RNF121: variants seen among roughly 807,000 people sequenced by gnomAD.
RNF121 encodes the protein ring finger protein 121.
In RNF121, 21 loss-of-function variants were observed where a neutral mutation model predicts 46.5. The observed-to-expected ratio is 0.45, with a 90% CI of 0.32 to 0.65. RNF121 has a LOEUF of 0.65. Ranked by LOEUF, RNF121 falls within the 30% of genes least tolerant of loss-of-function variation. The pLI, the probability that RNF121 is intolerant of heterozygous loss-of-function variation, is 0.04. For missense variants in RNF121, 346 were observed against 416.0 expected, an observed-to-expected ratio of 0.83 and a Z score of 1.46; for synonymous variants, 139 against 144.7, an observed-to-expected ratio of 0.96 and a Z score of 0.28.
chr11:71,932,146 G>A (rs1246707059), intron 1 of RNF121, among the ~76,000 whole-genome samples: 1 of 152,168 alleles, frequency 6.6e-6, no homozygotes, highest in Non-Finnish European at 1.5e-5. Context: ...TCTTTAGAGG[G>A]ATAAATAGAA....
intron 2 of RNF121, among the ~76,000 whole-genome samples, chr11:71,959,627 C>G: frequency 6.6e-6 from 1 of 150,480 alleles, no homozygotes; most frequent in Non-Finnish European, 1.5e-5. Context: ...TCTCTTCTCT[C>G]TCTCTTCTTC....
intron 1 of RNF121, among the ~76,000 whole-genome samples, chr11:71,954,573 C>T (rs1953949795): frequency 6.6e-6 from 1 of 152,186 alleles, no homozygotes; most frequent in South Asian, 2.1e-4. Flanking sequence ...AATATACTTT[C>T]TTCACAGCTC....
intron 6 of RNF121, among the ~76,000 whole-genome samples, chr11:71,991,939 T>C (rs1954869772): frequency 6.8e-6 from 1 of 147,362 alleles, no homozygotes; most frequent in Admixed American, 6.8e-5. Flanking sequence ...ACCCCATCTC[T>C]ACAAAAAAAT....
chr11:71,982,549 A>G (rs557864904), intron 3 of RNF121, among the ~76,000 whole-genome samples: 212 of 152,308 alleles, frequency 1.4e-3, no homozygotes, highest in South Asian at 2.1e-3. Flanking sequence ...GAAAGAATAT[A>G]TCCAAGAGAT....
chr11:71,959,632 T>TC (rs1491151178), intron 2 of RNF121, among the ~76,000 whole-genome samples: 1 of 150,294 alleles, frequency 6.7e-6, no homozygotes, highest in Non-Finnish European at 1.5e-5. Flanking sequence ...TCTCTCTCTC[T>TC]TCTTCTTTTT....
intron 3 of RNF121, among the ~76,000 whole-genome samples, chr11:71,972,614 A>G (rs1330829733): frequency 6.6e-6 from 1 of 151,642 alleles, no homozygotes; most frequent in Non-Finnish European, 1.5e-5. Context: ...GCTGTCCTGT[A>G]TATTATAGGA....
chr11:71,953,943 A>G (rs1368567455), intron 1 of RNF121, among the ~76,000 whole-genome samples: 1 of 152,126 alleles, frequency 6.6e-6, no homozygotes, highest in Admixed American at 6.6e-5. Flanking sequence ...TCTGCCTAGC[A>G]TTTATTTTTG....
At chr11:71,980,194 A>G (rs1203760564) in intron 3 of RNF121, among the ~76,000 whole-genome samples, 1 of 152,142 alleles carries the variant, frequency 6.6e-6, no homozygotes, top group Non-Finnish European at 1.5e-5. Flanking sequence ...GTTCCTATGT[A>G]GTGAATTGTT....
At chr11:71,991,173 A>G (rs1307194482) in intron 6 of RNF121, among the ~76,000 whole-genome samples, 1 of 152,148 alleles carries the variant, frequency 6.6e-6, no homozygotes, top group Admixed American at 6.5e-5. Context: ...AGTATCACGC[A>G]GTATGCCCAT....
intron 6 of RNF121, among the ~76,000 whole-genome samples, chr11:71,991,592 T>A (rs556135607): frequency 6.6e-6 from 1 of 152,316 alleles, no homozygotes; most frequent in East Asian, 1.9e-4. Context: ...AAAGATGGCT[T>A]CCTTGAAGAA....
At chr11:71,943,786 A>T (rs1272246191) in intron 1 of RNF121, among the ~76,000 whole-genome samples, 1 of 152,224 alleles carries the variant, frequency 6.6e-6, no homozygotes, top group African/African-American at 2.4e-5. Context: ...AACCAGCTAA[A>T]GAAAGAATAG....
rs1484419383 is a variant in RNF121 at position 71,968,886 on chromosome 11, TTC to T, written c.243+7997_243+7998del. Among the ~76,000 whole-genome samples, 5 of 56,554 alleles carry T rather than the reference TTC, an allele frequency of 8.8e-5. No individual in the cohort carries two copies. In the East Asian group the frequency reaches 1.8e-3, roughly 20 times the overall value. 37.1% of individuals were successfully genotyped at this position (56,554 alleles called of 152,430 possible). ...CCTAGGATTTTTCTTTTTTCTTTCT[TTC>T]TTTTTTTTTTTTTTTGAGTCAGGCT... On this transcript the variant is annotated intron_variant, in intron 3 of 8. Coordinates refer to ENST00000361756, the MANE Select transcript of RNF121 (RefSeq NM_018320.5).
chr11:71,948,860 C>T lies in RNF121; in HGVS notation c.64-8367C>T, dbSNP rs530232982. Among the ~76,000 whole-genome samples, 7 of 152,268 alleles carry T rather than the reference C, an allele frequency of 4.6e-5. No individual in the cohort carries two copies. In the South Asian group the frequency reaches 1.5e-3, roughly 32 times the overall value. ...GTAGCCTGTGAACCTTTGGACTTCA[C>T]TTGTTATCTTAATCACGCAGAATAC... is the stretch of plus-strand genomic sequence containing the variant. On this transcript the variant is annotated intron_variant, in intron 1 of 8. Transcript: ENST00000361756.
At chr11:71,975,946 T>C (rs983546910) in intron 3 of RNF121, among the ~76,000 whole-genome samples, 2 of 152,172 alleles carry the variant, frequency 1.3e-5, no homozygotes, top group African/African-American at 4.8e-5. Flanking sequence ...TAAGGATTAC[T>C]ATGTGTAGGT....
In RNF121 at chr11:71,981,840, C is replaced by T. The variant is rs528401066; in HGVS notation, c.244-921C>T. Among the ~76,000 whole-genome samples the T allele has an allele frequency of 7.9e-4, 120 of 152,142 alleles. 1 individual carries two copies. The highest frequency in any genetic ancestry group is 2.8e-3 in the African/African-American group (116 of 41,494). On this transcript the variant is annotated intron_variant, in intron 3 of 8. Coordinates refer to ENST00000361756, the MANE Select transcript of RNF121 (RefSeq NM_018320.5). ...AGTTTAGAGGAAGTGGGAATATGGC[C>T]CAGTCACTACCCACAAGGAGCTTAC...
rs192462017 is a variant in RNF121 at position 71,973,908 on chromosome 11, A to C, written c.244-8853A>C. On this transcript the variant is annotated intron_variant, in intron 3 of 8. Transcript: ENST00000361756. ...AATTTAAAACAGAAAATTTTGAAAA[A>C]TACAAAAAACAAAAGCCCTGTATTT... Among the ~76,000 whole-genome samples, 9 of 152,320 alleles carry C rather than the reference A, an allele frequency of 5.9e-5. 1 individual carries two copies. Among genetic ancestry groups the C allele is most frequent in the Admixed American group, 4.6e-4 (7 of 15,292 alleles).
intron 8 of RNF121, 57 bp downstream of exon 8, chr11:71,995,608 G>A: frequency 7.2e-7 from 1 of 1,387,920 alleles, no homozygotes; most frequent in Non-Finnish European, 1.0e-6. Flanking sequence ...GTACTGGCCA[G>A]TGTGACCTGC....
chr11:71,971,130 TC>T (rs2134190218), intron 3 of RNF121, among the ~76,000 whole-genome samples: 1 of 152,300 alleles, frequency 6.6e-6, no homozygotes, highest in African/African-American at 2.4e-5. Flanking sequence ...ATGCCTGTAA[TC>T]CCGGCACTTT....
rs192039571 is a variant in RNF121 at position 71,968,225 on chromosome 11, A to G, written c.243+7334A>G. Among the ~76,000 whole-genome samples the G allele has an allele frequency of 1.6e-4, 25 of 152,110 alleles. No individual in the cohort carries two copies. The East Asian group carries it at 3.5e-3, about 21-fold the overall frequency. ...CAGGCTCCTGCCACCATGCCTAGCTAACTCTTTGTATTTTAGTAGAGAAGG... is the reference window on the plus strand; with the variant it reads ...CAGGCTCCTGCCACCATGCCTAGCTGACTCTTTGTATTTTAGTAGAGAAGG... On this transcript the variant is annotated intron_variant, in intron 3 of 8. Coordinates refer to ENST00000361756, the MANE Select transcript of RNF121 (RefSeq NM_018320.5).
Sources: allele counts gnomAD v4.1 joint callset (sites outside exome capture counted in the v4.1 genomes callset), GRCh38; gene constraint gnomAD v4.1.1; transcripts MANE v1.5; gene names NCBI Gene and HGNC (gene_info 2026-07-23, HGNC 2026-07-21).